The following KL variants were observed in gnomAD, a reference collection of about 807,000 sequenced individuals.
The protein encoded by KL is klotho.
KL carries 62 observed loss-of-function variants against 84.2 expected under a neutral mutation model. That is an observed-to-expected ratio of 0.74 (90% CI 0.60 to 0.91). The LOEUF (loss-of-function observed/expected upper bound fraction) is 0.91. KL is among the 40% of genes least tolerant of loss of function. The pLI, the probability that KL is intolerant of heterozygous loss-of-function variation, is 0.00. For synonymous variants in KL, 528 were observed against 528.0 expected, an observed-to-expected ratio of 1.00 and a Z score of 0.00; for missense variants, 1,261 against 1,305.7, an observed-to-expected ratio of 0.97 and a Z score of 0.53.
intron 1 of KL, among the ~76,000 whole-genome samples, chr13:33,032,718 G>A (rs973919237): frequency 1.3e-5 from 2 of 152,098 alleles, no homozygotes; most frequent in Non-Finnish European, 2.9e-5. Context: ...AGGTTATATC[G>A]TAAAAGATCA....
rs371170507 is a variant in KL at position 33,016,851 on chromosome 13, G to A, written c.411G>A (p.Glu137=). 6 of 1,612,868 alleles carry A rather than the reference G, an allele frequency of 3.7e-6. No homozygotes were observed. Among genetic ancestry groups the A allele is most frequent in the Non-Finnish European group, 5.1e-6 (6 of 1,179,818 alleles). Residue 137 remains glutamate, a synonymous_variant, in exon 1 of 5, where the codon GAG becomes GAA. Coordinates refer to ENST00000380099, the MANE Select transcript of KL (RefSeq NM_004795.4). Reference sequence around the variant, plus strand: ...ACAACAACGTCTTCCGCGACACGGAGGCGCTGCGCGAGCTCGGGGTCACTC... The same window carrying A: ...ACAACAACGTCTTCCGCGACACGGAAGCGCTGCGCGAGCTCGGGGTCACTC... The part of the protein sequence containing the change: ...DSYNNVFRDT[E]ALRELGVTHY...
intron 1 of KL, among the ~76,000 whole-genome samples, chr13:33,040,738 A>G (rs1291505747): frequency 2.0e-5 from 3 of 152,252 alleles, no homozygotes; most frequent in Non-Finnish European, 4.4e-5. Flanking sequence ...TGGTGATACC[A>G]TCCATGTCTC....
Position 33,060,732 on chromosome 13 carries a change from C to T in KL, c.1653C>T (p.Val551=). 1 of 1,614,010 alleles carries T rather than the reference C, an allele frequency of 6.2e-7. No individual in the cohort carries two copies. The highest frequency in any genetic ancestry group is 1.6e-4 in the Middle Eastern group (1 of 6,062). The change falls in exon 4 of 5, where the codon GTC becomes GTT. Residue 551 remains valine, a synonymous_variant. Transcript: ENST00000380099. The stretch of plus-strand genomic sequence containing the variant: ...ACCTGAATGTTTACCTGTGGGATGT[C>T]CACCACAGTAAAAGGCTTATTAAAG... ...FTDLNVYLWD[V]HHSKRLIKVD...
chr13:33,055,279 T>A lies in KL; in HGVS notation c.1563T>A (p.Cys521Ter). ...AGCCCCTAGAAGGGACATTTCCCTG[T>A]GACTTTGCTTGGGGAGTTGTTGACA... ...ENQPLEGTFP[C>*]DFAWGVVDNY... The change falls in exon 3 of 5, where the codon TGT (cysteine) becomes TGA (stop). Residue 521 changes from cysteine to a stop codon, truncating the protein, a stop_gained. Coordinates refer to ENST00000380099, the MANE Select transcript of KL (RefSeq NM_004795.4). LOFTEE classifies it high-confidence loss of function. 6.2e-7 allele frequency: 1 copy of A among 1,614,212 alleles called. No individual in the cohort carries two copies. The highest frequency in any genetic ancestry group is 8.5e-7 in the Non-Finnish European group (1 of 1,180,038).
intron 3 of KL, among the ~76,000 whole-genome samples, chr13:33,058,826 C>T (rs753241121): frequency 1.6e-4 from 24 of 152,040 alleles, no homozygotes; most frequent in South Asian, 2.1e-4. Flanking sequence ...AAACTCTGAA[C>T]GCTTCAAAAG....
At chr13:33,017,321 A>G (rs1870404824) in intron 1 of KL, 62 bp downstream of exon 1, 3 of 1,421,044 alleles carry the variant, frequency 2.1e-6, no homozygotes, top group South Asian at 2.6e-5. Flanking sequence ...CACAGGGGCC[A>G]GGGGGAAGTG....
intron 1 of KL, among the ~76,000 whole-genome samples, chr13:33,038,689 A>G (rs9526990): frequency 0.17 from 26,449 of 152,198 alleles, 2,482 homozygotes; most frequent in African/African-American, 0.24. Flanking sequence ...TTCAGAAATC[A>G]GAATGACTGA....
intron 3 of KL, among the ~76,000 whole-genome samples, chr13:33,059,844 G>A (rs1872105551): frequency 6.6e-6 from 1 of 152,118 alleles, no homozygotes; most frequent in Admixed American, 6.5e-5. Flanking sequence ...CCCAACAAAA[G>A]GCAAGAGTTA....
chr13:33,056,873 C>T (rs1412561541), intron 3 of KL, among the ~76,000 whole-genome samples: 1 of 152,126 alleles, frequency 6.6e-6, no homozygotes, highest in Non-Finnish European at 1.5e-5. Context: ...AGAAAGGCTT[C>T]TGAGCTCCCT....
At chr13:33,049,546 G>A (rs1044319761) in intron 1 of KL, among the ~76,000 whole-genome samples, 1 of 152,184 alleles carries the variant, frequency 6.6e-6, no homozygotes, top group Non-Finnish European at 1.5e-5. Context: ...CCTGGAGGTG[G>A]CGACATCTAA....
chr13:33,064,219 A>G lies in KL; in HGVS notation c.*33A>G. On this transcript the variant is annotated 3_prime_UTR_variant, in exon 5 of 5. Transcript: ENST00000380099. ...CATTTTTCTATTCATTCATTTTGAAATAATTATGCAGACACATCAGCTGTT... is the reference window on the plus strand; with the variant it reads ...CATTTTTCTATTCATTCATTTTGAAGTAATTATGCAGACACATCAGCTGTT... 2 of 1,476,828 alleles carry G rather than the reference A, an allele frequency of 1.4e-6. No individual in the cohort carries two copies. Among genetic ancestry groups the G allele is most frequent in the Non-Finnish European group, 9.4e-7 (1 of 1,061,312 alleles). The allele number at this position is 1,476,828 out of a possible 1,614,324, so 91.5% of individuals were successfully genotyped here.
rs1344059905 is a variant in KL at position 33,061,027 on chromosome 13, C to A, written c.1948C>A (p.Leu650Ile). 1 of 1,612,288 alleles carries A rather than the reference C, an allele frequency of 6.2e-7. No individual in the cohort carries two copies. Among genetic ancestry groups the A allele is most frequent in the Admixed American group, 1.7e-5 (1 of 59,960 alleles). The stretch of plus-strand genomic sequence containing the variant: ...GGCCCCGAACCAAGGACTGCCGCGC[C>A]TCCTGGCCAGGCAGGGCGCCTGGGA... Reference protein sequence around the residue: ...PMAPNQGLPRLLARQGAWENP... With the variant: ...PMAPNQGLPRILARQGAWENP... Residue 650 changes from leucine to isoleucine, a missense_variant, in exon 4 of 5, where the codon CTC becomes ATC. By Grantham distance (5) the Leu-to-Ile change is conservative. Coordinates refer to ENST00000380099, the MANE Select transcript of KL (RefSeq NM_004795.4).
intron 1 of KL, among the ~76,000 whole-genome samples, chr13:33,036,977 G>A (rs569546): frequency 0.83 from 126,413 of 152,196 alleles, 52,698 homozygotes; most frequent in Middle Eastern, 0.89. Flanking sequence ...AAAAGGTTTT[G>A]GCAATCATAT....
At chr13:33,024,778 C>T (rs1870704550) in intron 1 of KL, among the ~76,000 whole-genome samples, 1 of 152,180 alleles carries the variant, frequency 6.6e-6, no homozygotes, top group African/African-American at 2.4e-5. Flanking sequence ...CCTGTGTCCC[C>T]TTGTTCCCAT....
At chr13:33,055,379 C>CCTTCCTA (rs1226666827) in intron 3 of KL, 64 bp downstream of exon 3, 4 of 1,589,496 alleles carry the variant, frequency 2.5e-6, no homozygotes, top group Non-Finnish European at 3.5e-6. Flanking sequence ...AGTAGTGCTT[C>CCTTCCTA]CTTCCTAGGC....
In KL at chr13:33,061,501, C is replaced by T. The variant is rs369882326; in HGVS notation, c.2422C>T (p.His808Tyr). The T allele has an allele frequency of 1.4e-5, 23 of 1,613,984 alleles. No homozygotes were observed. Among genetic ancestry groups the T allele is most frequent in the Non-Finnish European group, 1.9e-5 (23 of 1,180,018 alleles). Residue 808 changes from histidine to tyrosine, a missense_variant, in exon 4 of 5, where the codon CAT (histidine) becomes TAT (tyrosine). By Grantham distance (83) the His-to-Tyr change is moderately conservative (BLOSUM62 2). Coordinates refer to ENST00000380099, the MANE Select transcript of KL (RefSeq NM_004795.4). ...TACCTTTGACTTTTTGGCTTTAAGC[C>T]ATTATACCACCATCCTTGTAGACTC... ...QGTFDFLALS[H>Y]YTTILVDSEK...
chr13:33,063,790 A>G, intron 4 of KL, 59 bp from the exon 5 acceptor site: 1 of 1,462,150 alleles, frequency 6.8e-7, no homozygotes, highest in Non-Finnish European at 9.5e-7. Flanking sequence ...AAAAAAAAAA[A>G]GTGATGTGTT....
chr13:33,016,455 C>T lies in KL; in HGVS notation c.15C>T (p.Ala5=), dbSNP rs934153273. The T allele has an allele frequency of 1.5e-3, 1,459 of 964,242 alleles. 3 individuals are homozygous for T. Among genetic ancestry groups the T allele is most frequent in the Non-Finnish European group, 1.7e-3 (1,418 of 812,500 alleles). 59.7% of individuals were successfully genotyped at this position (964,242 alleles called of 1,614,324 possible). A position where few individuals can be genotyped will look rare whatever the true frequency, so the allele number is the denominator to read the frequency against. ...TCCCGCGCAGCATGCCCGCCAGCGC[C>T]CCGCCGCGCCGCCCGCGGCCGCCGC... MPAS[A]PPRRPRPPPP... The change falls in exon 1 of 5, where the codon GCC becomes GCT. Residue 5 remains alanine (A), a synonymous_variant. Transcript: ENST00000380099.
chr13:33,043,760 C>G (rs1230393002), intron 1 of KL, among the ~76,000 whole-genome samples: 1 of 151,958 alleles, frequency 6.6e-6, no homozygotes, highest in Non-Finnish European at 1.5e-5. Context: ...ATTATTTTGT[C>G]AATTATATAC....
Sources: allele counts gnomAD v4.1 joint callset (sites outside exome capture counted in the v4.1 genomes callset), GRCh38; gene constraint gnomAD v4.1.1; transcripts MANE v1.5; gene names NCBI Gene and HGNC (gene_info 2026-07-23, HGNC 2026-07-21).